Variants in LRRC4C observed in about 807,000 individuals in gnomAD.
The protein encoded by LRRC4C is leucine rich repeat containing 4C, also known as leucine-rich repeat-containing protein 4C.
A neutral mutation model predicts 33.6 loss-of-function variants in LRRC4C; 5 were observed. The observed-to-expected ratio is 0.15, with a 90% confidence interval of 0.08 to 0.31. The LOEUF is 0.31. Among genes scored for constraint, LRRC4C ranks in the 10% least tolerant of loss-of-function variants. The pLI, the probability that LRRC4C is intolerant of heterozygous loss-of-function variation, is 1.00. For synonymous variants in LRRC4C, 329 were observed against 302.0 expected (o/e 1.09, Z -0.93); for missense variants, 560 against 796.7 (o/e 0.70, Z 3.58).
At chr11:41,274,804 G>A (rs552653628) in intron 1 of LRRC4C, among the ~76,000 whole-genome samples, 3 of 152,156 alleles carry the variant, frequency 2.0e-5, no homozygotes, top group South Asian at 2.1e-4. Flanking sequence ...CAGTCACTGC[G>A]AAGGTCTGTG....
intron 1 of LRRC4C, among the ~76,000 whole-genome samples, chr11:41,184,109 C>T (rs1241006945): frequency 6.6e-6 from 1 of 152,140 alleles, no homozygotes; most frequent in Non-Finnish European, 1.5e-5. Context: ...CCTCCTAGAC[C>T]TTTGGGCCTG....
At chr11:40,376,098 A>C (rs1948648992) in intron 3 of LRRC4C, among the ~76,000 whole-genome samples, 1 of 152,200 alleles carries the variant, frequency 6.6e-6, no homozygotes, top group Non-Finnish European at 1.5e-5. Flanking sequence ...TTAGTAATAT[A>C]AGAAGAAATA....
At chr11:40,501,015 T>C (rs532465951) in intron 3 of LRRC4C, among the ~76,000 whole-genome samples, 117 of 152,158 alleles carry the variant, frequency 7.7e-4, no homozygotes, top group African/African-American at 2.7e-3. Context: ...ATGGGACAAA[T>C]TGGCCAAAAT....
intron 1 of LRRC4C, among the ~76,000 whole-genome samples, chr11:41,133,947 C>T (rs998928675): frequency 6.6e-6 from 1 of 152,138 alleles, no homozygotes; most frequent in Admixed American, 6.6e-5. Flanking sequence ...TGATTTATAT[C>T]TGCCTGTAAC....
chr11:41,043,067 C>A (rs868379666), intron 1 of LRRC4C, among the ~76,000 whole-genome samples: 2 of 101,198 alleles, frequency 2.0e-5, no homozygotes, highest in Admixed American at 1.1e-4. Context: ...ACAGAATAGA[C>A]CTTTTTTTTT....
chr11:41,149,663 G>C (rs967009644), intron 1 of LRRC4C, among the ~76,000 whole-genome samples: 1 of 152,106 alleles, frequency 6.6e-6, no homozygotes, highest in African/African-American at 2.4e-5. Flanking sequence ...GATGAAGAAG[G>C]GAGAACAGTG....
In LRRC4C at chr11:40,960,923, T is replaced by C. The variant is rs546703150; in HGVS notation, c.-495-27200A>G. Among the ~76,000 whole-genome samples, 268 of 151,840 alleles carry C rather than the reference T, an allele frequency of 1.8e-3. 1 individual carries two copies. The highest frequency in any genetic ancestry group is 6.0e-3 in the African/African-American group (248 of 41,486). On this transcript the variant is annotated intron_variant, in intron 1 of 6. Transcript: ENST00000528697. ...ACAGCTCAGGTCATATCCATGGTCT[T>C]TGCTTATTGCTTTTTATTTTCCTGC...
At chr11:40,390,692 G>T (rs1007284329) in intron 3 of LRRC4C, among the ~76,000 whole-genome samples, 34 of 152,104 alleles carry the variant, frequency 2.2e-4, no homozygotes, top group African/African-American at 8.2e-4. Context: ...AGTTTCCATA[G>T]TAAGGTGGTT....
At chr11:40,855,870 T>A (rs1953753370) in intron 2 of LRRC4C, among the ~76,000 whole-genome samples, 2 of 151,944 alleles carry the variant, frequency 1.3e-5, no homozygotes, top group Admixed American at 1.3e-4. Context: ...ATGCAAATAT[T>A]CAGATGCAGC....
At chr11:40,270,772 C>A (rs1942633335) in intron 4 of LRRC4C, among the ~76,000 whole-genome samples, 1 of 152,136 alleles carries the variant, frequency 6.6e-6, no homozygotes, top group African/African-American at 2.4e-5. Context: ...TGGCAATTCA[C>A]TAAACAAAAA....
intron 3 of LRRC4C, among the ~76,000 whole-genome samples, chr11:40,439,413 A>T (rs543149041): frequency 2.0e-5 from 3 of 151,082 alleles, no homozygotes; most frequent in African/African-American, 7.3e-5. Context: ...TTAAGTTCCT[A>T]TTACGAGTAA....
chr11:41,313,587 G>GT (rs1444942359), intron 1 of LRRC4C, among the ~76,000 whole-genome samples: 1 of 152,176 alleles, frequency 6.6e-6, no homozygotes, highest in Admixed American at 6.5e-5. Context: ...CATTTACATA[G>GT]TAATTCAGGG....
At chr11:41,194,088 C>T (rs193143258) in intron 1 of LRRC4C, among the ~76,000 whole-genome samples, 2 of 152,126 alleles carry the variant, frequency 1.3e-5, no homozygotes, top group African/African-American at 4.8e-5. Flanking sequence ...TATAATGATT[C>T]ACTTTTATTT....
intron 2 of LRRC4C, among the ~76,000 whole-genome samples, chr11:40,727,919 A>G (rs1438903586): frequency 1.3e-5 from 2 of 151,948 alleles, no homozygotes; most frequent in African/African-American, 2.4e-5. Flanking sequence ...TGTGATAAAA[A>G]TGACATCCAG....
rs568212349 is a variant in LRRC4C, at chr11:40,227,385, T to C, written c.-96+14134A>G. 7.9e-5 allele frequency among the ~76,000 whole-genome samples: 12 copies of C among 152,328 alleles called. No individual in the cohort carries two copies. In the South Asian group the frequency reaches 2.5e-3, roughly 32 times the overall value. ...GATGACAGTTTTTAGCCTACCTGTA[T>C]CTCTATTCTCTCTTCCTTTAACCAC... On this transcript the variant is annotated intron_variant, in intron 5 of 6. Coordinates refer to ENST00000528697, the MANE Select transcript of LRRC4C (RefSeq NM_001258419.2).
intron 3 of LRRC4C, among the ~76,000 whole-genome samples, chr11:40,519,815 A>T (rs964680084): frequency 2.0e-5 from 3 of 152,234 alleles, no homozygotes; most frequent in Non-Finnish European, 2.9e-5. Flanking sequence ...CTTCGAAAAC[A>T]TAAAAGGGCA....
At chr11:41,457,554 TG>T (rs1190280536) in intron 1 of LRRC4C, among the ~76,000 whole-genome samples, 8 of 152,178 alleles carry the variant, frequency 5.3e-5, no homozygotes, top group African/African-American at 1.7e-4. Context: ...AACCTCAGAT[TG>T]TTTTTTCCAT....
At chr11:40,152,130 G>A (rs914864904) in intron 5 of LRRC4C, among the ~76,000 whole-genome samples, 5 of 152,148 alleles carry the variant, frequency 3.3e-5, no homozygotes, top group Non-Finnish European at 7.3e-5. Flanking sequence ...TACTGTGAGT[G>A]CCCCATCTGT....
chr11:41,146,306 C>T (rs534059579), intron 1 of LRRC4C, among the ~76,000 whole-genome samples: 52 of 152,196 alleles, frequency 3.4e-4, no homozygotes, highest in Non-Finnish European at 5.0e-4. Flanking sequence ...TTAAGAGCTT[C>T]GTCAGTCCAC....
Sources: allele counts gnomAD v4.1 joint callset (sites outside exome capture counted in the v4.1 genomes callset), GRCh38; gene constraint gnomAD v4.1.1; transcripts MANE v1.5; gene names NCBI Gene and HGNC (gene_info 2026-07-23, HGNC 2026-07-21).